COL24A1: variants seen among roughly 807,000 people sequenced by gnomAD.
COL24A1 encodes the protein collagen type XXIV alpha 1 chain, also known as collagen alpha-1(XXIV) chain.
COL24A1 carries 224 observed loss-of-function variants against 253.9 expected under a neutral mutation model. The ratio of observed to expected loss-of-function variants is 0.88; its 90% CI spans 0.79 to 0.99. The LOEUF is 0.99. Among genes scored for constraint, COL24A1 ranks in the 50% least tolerant of loss-of-function variants. The pLI is 0.00. For missense variants in COL24A1, 2,131 were observed against 2,068.5 expected (o/e 1.03, Z -0.59); for synonymous variants, 685 against 673.7 (o/e 1.02, Z -0.26).
chr1:85,884,895 T>A (rs548953553), intron 32 of COL24A1, among the ~76,000 whole-genome samples: 1 of 152,268 alleles, frequency 6.6e-6, no homozygotes, highest in South Asian at 2.1e-4. Flanking sequence ...GAAGTAAAAC[T>A]CAGGAACATG....
chr1:85,842,468 T>A, intron 39 of COL24A1, 75 bp from the exon 40 acceptor site: 1 of 1,004,064 alleles, frequency 1.0e-6, no homozygotes, highest in Non-Finnish European at 1.5e-6. Flanking sequence ...CTACTCCTAT[T>A]GTTTAAATTG....
intron 37 of COL24A1, among the ~76,000 whole-genome samples, chr1:85,861,905 T>C (rs1463295114): frequency 6.6e-6 from 1 of 152,196 alleles, no homozygotes; most frequent in Admixed American, 6.5e-5. Context: ...TTTCTAAAAA[T>C]ACTCAGCTCA....
At chr1:85,911,240 T>C (rs1685332204) in intron 25 of COL24A1, 140 bp downstream of exon 25, 1 of 645,486 alleles carries the variant, frequency 1.5e-6, no homozygotes, top group Non-Finnish European at 2.7e-6. Flanking sequence ...TATATTTCAA[T>C]ATATTTAAGA....
intron 19 of COL24A1, among the ~76,000 whole-genome samples, chr1:85,999,146 A>G (rs1226027880): frequency 2.0e-5 from 3 of 152,208 alleles, no homozygotes; most frequent in South Asian, 2.1e-4. Flanking sequence ...GGAAATGGCA[A>G]TGAATATGTA....
At chr1:85,779,907 T>C (rs1227343550) in intron 52 of COL24A1, among the ~76,000 whole-genome samples, 1 of 152,188 alleles carries the variant, frequency 6.6e-6, no homozygotes, top group East Asian at 1.9e-4. Flanking sequence ...TTGATGTACA[T>C]GCTGAATATT....
At chr1:85,763,772 G>C (rs1418644378) in intron 53 of COL24A1, among the ~76,000 whole-genome samples, 1 of 152,068 alleles carries the variant, frequency 6.6e-6, no homozygotes, top group Non-Finnish European at 1.5e-5. Flanking sequence ...TGGGATTACA[G>C]GCATGAGCCA....
chr1:85,834,245 G>A (rs1476695097), intron 43 of COL24A1, among the ~76,000 whole-genome samples: 2 of 152,122 alleles, frequency 1.3e-5, no homozygotes, highest in Non-Finnish European at 2.9e-5. Flanking sequence ...GACATGAGTA[G>A]GGGTATGGGG....
chr1:85,876,635 C>T (rs2102612279), intron 33 of COL24A1, among the ~76,000 whole-genome samples: 1 of 152,048 alleles, frequency 6.6e-6, no homozygotes, highest in South Asian at 2.1e-4. Flanking sequence ...CTGAGAAAGG[C>T]TAATGAGAAG....
At chr1:85,842,637 T>TA (rs5775873) in intron 39 of COL24A1, among the ~76,000 whole-genome samples, 2 of 151,692 alleles carry the variant, frequency 1.3e-5, no homozygotes, top group African/African-American at 2.4e-5. Flanking sequence ...TTAATCATAT[T>TA]AAAAAAAATA....
chr1:85,837,031 T>C (rs546756100), intron 43 of COL24A1, among the ~76,000 whole-genome samples: 1 of 152,330 alleles, frequency 6.6e-6, no homozygotes, highest in Admixed American at 6.5e-5. Flanking sequence ...TGCAGGAATC[T>C]GGTTTTCCCG....
At chr1:85,933,152 A>T (rs1687944599) in intron 24 of COL24A1, among the ~76,000 whole-genome samples, 1 of 151,992 alleles carries the variant, frequency 6.6e-6, no homozygotes, top group Non-Finnish European at 1.5e-5. Flanking sequence ...AAATGTAAAA[A>T]ACTTGTATAG....
chr1:86,096,896 C>T (rs562787008), intron 5 of COL24A1, among the ~76,000 whole-genome samples: 25 of 152,156 alleles, frequency 1.6e-4, no homozygotes, highest in African/African-American at 6.0e-4. Context: ...CTCTTTCTTT[C>T]CTCTTAGCTA....
intron 32 of COL24A1, among the ~76,000 whole-genome samples, chr1:85,884,743 T>C (rs1571073069): frequency 6.6e-6 from 1 of 152,202 alleles, no homozygotes; most frequent in East Asian, 1.9e-4. Context: ...TGATAAATAA[T>C]TTCCCTGGAG....
chr1:85,765,523 T>G (rs1667273731), intron 53 of COL24A1, among the ~76,000 whole-genome samples: 1 of 145,616 alleles, frequency 6.9e-6, no homozygotes, highest in Admixed American at 7.0e-5. Context: ...TGGGCAACAC[T>G]GGGAGACACT....
chr1:85,891,794 A>G (rs1683156984), intron 31 of COL24A1, among the ~76,000 whole-genome samples: 1 of 152,248 alleles, frequency 6.6e-6, no homozygotes, highest in African/African-American at 2.4e-5. Flanking sequence ...CAAGCTTATC[A>G]TGTACTTTTA....
intron 3 of COL24A1, among the ~76,000 whole-genome samples, chr1:86,118,210 G>A (rs909254910): frequency 5.3e-5 from 8 of 151,746 alleles, no homozygotes; most frequent in Non-Finnish European, 7.4e-5. Flanking sequence ...TTACAGGTGC[G>A]TGCCACCATG....
At chr1:85,814,487 T>C (rs2101908811) in intron 47 of COL24A1, among the ~76,000 whole-genome samples, 1 of 152,340 alleles carries the variant, frequency 6.6e-6, no homozygotes, top group East Asian at 1.9e-4. Flanking sequence ...ACGTCTATTT[T>C]CTTGCTAGAA....
chr1:85,763,057 A>C (rs1444095275), intron 53 of COL24A1, among the ~76,000 whole-genome samples: 6 of 152,330 alleles, frequency 3.9e-5, no homozygotes, highest in African/African-American at 1.4e-4. Flanking sequence ...ACATTTTATT[A>C]GTTCTTTTTT....
intron 47 of COL24A1, among the ~76,000 whole-genome samples, chr1:85,809,174 G>A (rs1413210299): frequency 6.6e-6 from 1 of 152,136 alleles, no homozygotes; most frequent in Admixed American, 6.5e-5. Flanking sequence ...AGGGATTATA[G>A]AAACTATACC....
Sources: gnomAD v4.1 joint callset for allele counts (sites outside exome capture counted in the v4.1 genomes callset) on GRCh38, gnomAD v4.1.1 for gene constraint, MANE v1.5 for transcripts, NCBI Gene and HGNC (gene_info 2026-07-23, HGNC 2026-07-21) for gene names.